Variants in SLC6A11 observed in about 807,000 individuals in gnomAD.
SLC6A11 encodes the protein solute carrier family 6 member 11.
In SLC6A11, 25 loss-of-function variants were observed where a neutral mutation model predicts 74.8. The ratio of observed to expected loss-of-function variants is 0.33; its 90% CI spans 0.24 to 0.47. The LOEUF is 0.47. Among genes scored for constraint, SLC6A11 ranks in the 20% least tolerant of loss-of-function variants. The probability of loss-of-function intolerance (pLI) is 1.00; values close to 1 mark genes in which losing one functional copy is unlikely to be tolerated. For missense variants in SLC6A11, 574 were observed against 837.0 expected, an observed-to-expected ratio of 0.69 and a Z score of 3.88; for synonymous variants, 330 against 330.2, an observed-to-expected ratio of 1.00 and a Z score of 0.01.
intron 5 of SLC6A11, among the ~76,000 whole-genome samples, chr3:10,851,402 G>GA (rs35692912): frequency 0.014 from 2,048 of 142,178 alleles, 48 homozygotes; most frequent in African/African-American, 0.047. Context: ...CCGAGGCAAG[G>GA]AAAAAAAAAA....
intron 12 of SLC6A11, among the ~76,000 whole-genome samples, chr3:10,934,417 T>G (rs1007931443): frequency 3.9e-5 from 6 of 152,242 alleles, no homozygotes; most frequent in African/African-American, 1.4e-4. Context: ...GGACGTCAGG[T>G]GCTGCATACG....
rs114546811 is a variant in SLC6A11, at chr3:10,829,305, C to A, written c.623+5913C>A. ...CATAAGTGGGGTGCCTGTGTTAGTT[C>A]TGGCTACTGGAGGCACAGGGTCCCT... is the stretch of plus-strand genomic sequence containing the variant. On this transcript the variant is annotated intron_variant, in intron 4 of 13. Transcript: ENST00000254488. Among the ~76,000 whole-genome samples the A allele has an allele frequency of 2.0e-3, 302 of 152,306 alleles. 1 individual carries two copies. The highest frequency in any genetic ancestry group is 7.0e-3 in the African/African-American group (292 of 41,562).
chr3:10,927,632 C>T (rs1400173315), intron 9 of SLC6A11, among the ~76,000 whole-genome samples: 1 of 152,202 alleles, frequency 6.6e-6, no homozygotes, highest in Non-Finnish European at 1.5e-5. Flanking sequence ...CCATCCTCTT[C>T]CCTAGGACCT....
intron 6 of SLC6A11, among the ~76,000 whole-genome samples, chr3:10,879,795 A>G (rs1694952919): frequency 6.6e-6 from 1 of 152,146 alleles, no homozygotes; most frequent in African/African-American, 2.4e-5. Flanking sequence ...ATACAGGTTG[A>G]GTATCCCTAA....
At chr3:10,841,651 A>G (rs1196772720) in intron 4 of SLC6A11, among the ~76,000 whole-genome samples, 1 of 152,232 alleles carries the variant, frequency 6.6e-6, no homozygotes, top group Non-Finnish European at 1.5e-5. Context: ...GCATGACTCA[A>G]AAATTTGCAG....
chr3:10,936,995 G>A (rs1017562196), intron 13 of SLC6A11, among the ~76,000 whole-genome samples: 4 of 152,108 alleles, frequency 2.6e-5, no homozygotes, highest in Non-Finnish European at 5.9e-5. Flanking sequence ...CTTACCGAGA[G>A]TCCTTGTGCC....
At chr3:10,894,599 C>T (rs1223346889) in intron 6 of SLC6A11, among the ~76,000 whole-genome samples, 1 of 152,174 alleles carries the variant, frequency 6.6e-6, no homozygotes, top group Non-Finnish European at 1.5e-5. Flanking sequence ...AAAAGTCAAA[C>T]TCACAGAAGC....
intron 5 of SLC6A11, among the ~76,000 whole-genome samples, chr3:10,851,201 C>T (rs529209059): frequency 1.3e-5 from 2 of 152,092 alleles, no homozygotes; most frequent in Non-Finnish European, 2.9e-5. Context: ...TGGATTTTTC[C>T]CCCTCATTTC....
intron 12 of SLC6A11, among the ~76,000 whole-genome samples, chr3:10,934,500 G>T (rs1695733174): frequency 6.6e-6 from 1 of 152,228 alleles, no homozygotes; most frequent in Non-Finnish European, 1.5e-5. Flanking sequence ...CCATCTTGTT[G>T]TTAACCATGA....
At chr3:10,860,953 A>G (rs1186388273) in intron 5 of SLC6A11, among the ~76,000 whole-genome samples, 1 of 152,202 alleles carries the variant, frequency 6.6e-6, no homozygotes, top group Non-Finnish European at 1.5e-5. Context: ...AAGAGATACC[A>G]CTGCATGAGG....
intron 6 of SLC6A11, among the ~76,000 whole-genome samples, chr3:10,911,538 C>T (rs1484113378): frequency 6.6e-6 from 1 of 152,174 alleles, no homozygotes; most frequent in African/African-American, 2.4e-5. Flanking sequence ...CTCCCTGCCA[C>T]CTTTTATGCT....
At position 10,939,990 on chromosome 3, in the gene SLC6A11, C is replaced by T. The variant is rs551144691; in HGVS notation, c.*1588C>T. ...GTGGAAACGTGGGCTTTCTCCAAAC[C>T]AAGGCCTGAGTTTCCTGTAAGGGTC... On this transcript the variant is annotated 3_prime_UTR_variant, in exon 14 of 14. Coordinates refer to ENST00000254488, the MANE Select transcript of SLC6A11 (RefSeq NM_014229.3). The T allele has an allele frequency of 6.6e-6, 1 of 152,356 alleles. No individual in the cohort carries two copies. Among genetic ancestry groups the T allele is most frequent in the South Asian group, 2.1e-4 (1 of 4,830 alleles). The allele number at this position is 152,356 out of a possible 1,614,324, so 9.4% of individuals were successfully genotyped here.
rs56099322 is a variant in SLC6A11 at position 10,849,794 on chromosome 3, C to CAAAAAAAAAA, written c.756+5467_756+5476dup. 8.8e-4 allele frequency among the ~76,000 whole-genome samples: 77 copies of CAAAAAAAAAA among 87,260 alleles called. 1 individual carries two copies. Among genetic ancestry groups the CAAAAAAAAAA allele is most frequent in the Non-Finnish European group, 1.4e-3 (64 of 45,066 alleles). 57.2% of individuals were successfully genotyped at this position (87,260 alleles called of 152,430 possible). A position where few individuals can be genotyped will look rare whatever the true frequency, so the allele number is the denominator to read the frequency against. ...TATCTCTGTGCATACTTGTTGAAGC[C>CAAAAAAAAAA]AAAAAAAAAAAAAAAAAAAAAAAAA... On this transcript the variant is annotated intron_variant, in intron 5 of 13. Transcript: ENST00000254488.
At chr3:10,922,919 C>T (rs576752296) in intron 8 of SLC6A11, among the ~76,000 whole-genome samples, 1 of 152,082 alleles carries the variant, frequency 6.6e-6, no homozygotes, top group Admixed American at 6.5e-5. Flanking sequence ...GTAGCAATTC[C>T]ACAACTGTTG....
rs1695788341 is a variant in SLC6A11 at position 10,938,716 on chromosome 3, A to G, written c.*314A>G. 5.3e-6 allele frequency: 1 copy of G among 187,574 alleles called. No homozygotes were observed. The highest frequency in any genetic ancestry group is 1.9e-4 in the South Asian group (1 of 5,232). 11.6% of individuals were successfully genotyped at this position (187,574 alleles called of 1,614,324 possible). ...TGTATAATATTGTAAAACTTTTTTTACTGGGGTTGTGGGCCAGGTGGGGTG... is the reference window on the plus strand; with the variant it reads ...TGTATAATATTGTAAAACTTTTTTTGCTGGGGTTGTGGGCCAGGTGGGGTG... On this transcript the variant is annotated 3_prime_UTR_variant, in exon 14 of 14. Coordinates refer to ENST00000254488, the MANE Select transcript of SLC6A11 (RefSeq NM_014229.3).
chr3:10,848,817 A>C (rs1694537911), intron 5 of SLC6A11, among the ~76,000 whole-genome samples: 1 of 152,218 alleles, frequency 6.6e-6, no homozygotes, highest in Non-Finnish European at 1.5e-5. Flanking sequence ...ATTAGAATGT[A>C]GCCTGTCAGA....
chr3:10,919,288 G>T (rs1695502565), intron 8 of SLC6A11, among the ~76,000 whole-genome samples: 1 of 152,160 alleles, frequency 6.6e-6, no homozygotes, highest in African/African-American at 2.4e-5. Context: ...ATATGAAAAA[G>T]TACATAGTTT....
intron 8 of SLC6A11, among the ~76,000 whole-genome samples, chr3:10,924,208 A>G (rs1246099879): frequency 5.9e-5 from 9 of 152,342 alleles, no homozygotes; most frequent in Non-Finnish European, 1.0e-4. Flanking sequence ...TTATACCAAT[A>G]TTAATTTACC....
In SLC6A11 at chr3:10,900,728, G is replaced by C. The variant is rs1007418445; in HGVS notation, c.892-11362G>C. The stretch of plus-strand genomic sequence containing the variant: ...GAGATGATGAGGCTTCATCCTAACT[G>C]CTTGCTCAGCTGACACAAAAGAACC... On this transcript the variant is annotated intron_variant, in intron 6 of 13. Transcript: ENST00000254488. Among the ~76,000 whole-genome samples the C allele has an allele frequency of 2.0e-5, 3 of 152,152 alleles. No homozygotes were observed. The East Asian group carries it at 5.8e-4, about 29-fold the overall frequency.
Sources: gnomAD v4.1 joint callset for allele counts (sites outside exome capture counted in the v4.1 genomes callset) on GRCh38, gnomAD v4.1.1 for gene constraint, MANE v1.5 for transcripts, NCBI Gene and HGNC (gene_info 2026-07-23, HGNC 2026-07-21) for gene names.